TSHZ2: variants seen among roughly 807,000 people sequenced by gnomAD.
TSHZ2 encodes the protein teashirt homolog 2.
TSHZ2 carries 21 observed loss-of-function variants against 74.4 expected under a neutral mutation model. That is an observed-to-expected ratio of 0.28 (90% confidence interval 0.20 to 0.41). The LOEUF (loss-of-function observed/expected upper bound fraction) is 0.41, where lower values mean the gene tolerates loss of function less well. TSHZ2 is among the 10% of genes least tolerant of loss of function. The pLI, the probability that TSHZ2 is intolerant of heterozygous loss-of-function variation, is 1.00. For missense variants in TSHZ2, 1,244 were observed against 1,293.5 expected (o/e 0.96, Z 0.59); for synonymous variants, 540 against 515.3 (o/e 1.05, Z -0.65).
chr20:53,386,417 C>A (rs1194315154), intron 2 of TSHZ2, among the ~76,000 whole-genome samples: 2 of 152,172 alleles, frequency 1.3e-5, no homozygotes, highest in African/African-American at 4.8e-5. Context: ...ATTTGCATAT[C>A]CCATTTTTTG....
chr20:53,469,045 TTATA>T (rs143724013), intron 2 of TSHZ2, among the ~76,000 whole-genome samples: 1,589 of 49,026 alleles, frequency 0.032, 37 homozygotes, highest in African/African-American at 0.06. Context: ...AATCGATATT[TTATA>T]TATATATATA....
chr20:53,199,875 C>T (rs1988958656), intron 1 of TSHZ2, among the ~76,000 whole-genome samples: 1 of 152,180 alleles, frequency 6.6e-6, no homozygotes, highest in African/African-American at 2.4e-5. Context: ...TGGGGATGTG[C>T]AGTGGTTTCT....
intron 2 of TSHZ2, among the ~76,000 whole-genome samples, chr20:53,411,258 C>T (rs1176850021): frequency 1.3e-5 from 2 of 152,086 alleles, no homozygotes; most frequent in African/African-American, 4.8e-5. Flanking sequence ...ATGTGGAGTC[C>T]CAGGGGCCTC....
chr20:53,307,050 C>T (rs180827082), intron 2 of TSHZ2, among the ~76,000 whole-genome samples: 75 of 152,252 alleles, frequency 4.9e-4, no homozygotes, highest in African/African-American at 1.7e-3. Context: ...GGACACAGGA[C>T]TTTAAGTGTT....
intron 1 of TSHZ2, among the ~76,000 whole-genome samples, chr20:53,218,227 G>A (rs1989478972): frequency 6.6e-6 from 1 of 152,250 alleles, no homozygotes. Context: ...TTTGCTTTGA[G>A]TAGCTTTCAA....
At chr20:53,171,640 TTTAAA>T (rs145014534) in intron 1 of TSHZ2, among the ~76,000 whole-genome samples, 1,978 of 152,238 alleles carry the variant, frequency 0.013, 33 homozygotes, top group African/African-American at 0.045. Context: ...AAATTATTAC[TTTAAA>T]TTAATTGATT....
chr20:53,372,799 C>G (rs767979850), intron 2 of TSHZ2, among the ~76,000 whole-genome samples: 11 of 152,194 alleles, frequency 7.2e-5, no homozygotes, highest in Non-Finnish European at 1.5e-4. Flanking sequence ...TATTTTTAAA[C>G]CCGATAGCTC....
chr20:53,114,877 A>G (rs1192731064), intron 1 of TSHZ2, among the ~76,000 whole-genome samples: 1 of 152,152 alleles, frequency 6.6e-6, no homozygotes, highest in Non-Finnish European at 1.5e-5. Context: ...GCACTAAATA[A>G]GAGTTACCGA....
intron 1 of TSHZ2, among the ~76,000 whole-genome samples, chr20:53,150,657 GGAAA>G (rs986904238): frequency 3.5e-5 from 5 of 143,782 alleles, no homozygotes; most frequent in Non-Finnish European, 7.6e-5. Flanking sequence ...AAAAAAAGAA[GGAAA>G]GAAAGAGAAA....
chr20:53,351,515 A>G (rs1980645241), intron 2 of TSHZ2, among the ~76,000 whole-genome samples: 1 of 152,228 alleles, frequency 6.6e-6, no homozygotes, highest in South Asian at 2.1e-4. Flanking sequence ...TTTTGTCAAA[A>G]AAAGTTACAT....
At chr20:53,117,590 T>C (rs185472468) in intron 1 of TSHZ2, among the ~76,000 whole-genome samples, 233 of 152,310 alleles carry the variant, frequency 1.5e-3, no homozygotes, top group African/African-American at 5.3e-3. Flanking sequence ...AGTTCTAGAT[T>C]GAGCTGAGAA....
chr20:53,179,372 C>T (rs1988419556), intron 1 of TSHZ2: 1 of 152,196 alleles, frequency 6.6e-6, no homozygotes, highest in Non-Finnish European at 1.5e-5. Flanking sequence ...AGATTTACTT[C>T]CAGCCATCAT....
At chr20:53,257,779 T>C (rs1401005076) in intron 2 of TSHZ2, among the ~76,000 whole-genome samples, 1 of 152,234 alleles carries the variant, frequency 6.6e-6, no homozygotes, top group East Asian at 1.9e-4. Context: ...CATGTTAAGT[T>C]ACGGATTTGC....
At chr20:53,024,824 A>T (rs1328906780) in intron 1 of TSHZ2, among the ~76,000 whole-genome samples, 1 of 151,818 alleles carries the variant, frequency 6.6e-6, no homozygotes. Flanking sequence ...AAGGACGTGG[A>T]CTCATCCTTT....
intron 1 of TSHZ2, among the ~76,000 whole-genome samples, chr20:53,134,982 A>C (rs1358639051): frequency 7.5e-6 from 1 of 133,780 alleles, no homozygotes. Context: ...ACACACACAC[A>C]CACACACACA....
intron 1 of TSHZ2, chr20:53,185,371 G>T (rs1600729616): frequency 2.5e-6 from 3 of 1,191,878 alleles, no homozygotes; most frequent in Non-Finnish European, 3.1e-6. Context: ...ATTGGTGATA[G>T]CCTCTGACTT....
intron 1 of TSHZ2, among the ~76,000 whole-genome samples, chr20:53,126,800 C>G (rs937525726): frequency 4.0e-5 from 6 of 149,842 alleles, no homozygotes; most frequent in Non-Finnish European, 7.4e-5. Flanking sequence ...ACAAGCACCC[C>G]GAGGATCTGA....
At chr20:53,286,209 G>A (rs1438005121) in intron 2 of TSHZ2, among the ~76,000 whole-genome samples, 1 of 152,160 alleles carries the variant, frequency 6.6e-6, no homozygotes, top group Non-Finnish European at 1.5e-5. Flanking sequence ...TTGTTCCTAA[G>A]CGGAGTGAGC....
intron 1 of TSHZ2, among the ~76,000 whole-genome samples, chr20:53,181,300 T>C (rs771554806): frequency 1.3e-5 from 2 of 152,218 alleles, no homozygotes; most frequent in Non-Finnish European, 2.9e-5. Context: ...GAAAGGACCA[T>C]GTTGTTCTTT....
Sources: gnomAD v4.1 joint callset for allele counts (sites outside exome capture counted in the v4.1 genomes callset) on GRCh38, gnomAD v4.1.1 for gene constraint, MANE v1.5 for transcripts, NCBI Gene and HGNC (gene_info 2026-07-23, HGNC 2026-07-21) for gene names.